The following CYRIB variants were observed in gnomAD, a reference collection of about 807,000 sequenced individuals.
CYRIB encodes CYFIP related Rac1 interactor B, also known as CYFIP-related Rac1 interactor B.
CYRIB carries 8 observed loss-of-function variants against 44.2 expected under a neutral mutation model. The observed-to-expected ratio is 0.18, with a 90% confidence interval of 0.11 to 0.33. The LOEUF is 0.33. Among genes scored for constraint, CYRIB ranks in the 10% least tolerant of loss-of-function variants. The pLI is 1.00. For missense variants in CYRIB, 185 were observed against 382.8 expected (o/e 0.48, Z 4.31); for synonymous variants, 131 against 127.2 (o/e 1.03, Z -0.20).
chr8:129,889,798 CTT>C (rs112004277), intron 2 of CYRIB, among the ~76,000 whole-genome samples: 2 of 144,034 alleles, frequency 1.4e-5, no homozygotes, highest in Admixed American at 6.9e-5. Flanking sequence ...GGTTTCTTTC[CTT>C]TTTTTTTTTT....
intron 2 of CYRIB, among the ~76,000 whole-genome samples, chr8:129,895,296 T>C (rs1269197403): frequency 6.6e-6 from 1 of 151,390 alleles, no homozygotes; most frequent in African/African-American, 2.4e-5. Context: ...TGAGCCATCA[T>C]ACCTGGCAGC....
At chr8:129,931,137 G>C (rs1422312870) in intron 1 of CYRIB, among the ~76,000 whole-genome samples, 1 of 151,216 alleles carries the variant, frequency 6.6e-6, no homozygotes, top group Non-Finnish European at 1.5e-5. Flanking sequence ...ATAAAATGGA[G>C]CCCTACTCCC....
intron 2 of CYRIB, among the ~76,000 whole-genome samples, chr8:129,899,407 T>C (rs983962763): frequency 6.6e-6 from 1 of 152,238 alleles, no homozygotes; most frequent in Non-Finnish European, 1.5e-5. Context: ...AATAAGCTAA[T>C]TGTAAATGAA....
chr8:129,894,733 T>C lies in CYRIB; in HGVS notation c.-11+8579A>G, dbSNP rs193114289. On this transcript the variant is annotated intron_variant, in intron 2 of 11. Transcript: ENST00000519824. Reference sequence around the variant, plus strand: ...CTTGTCTCTGGTAAAAGCAGCATCATAATTTCTTATTTTATTTTTGCTACT... The same window carrying C: ...CTTGTCTCTGGTAAAAGCAGCATCACAATTTCTTATTTTATTTTTGCTACT... Among the ~76,000 whole-genome samples, 69 of 152,208 alleles carry C rather than the reference T, an allele frequency of 4.5e-4. No individual in the cohort carries two copies. The South Asian group carries it at 1.0e-2, about 22-fold the overall frequency.
intron 5 of CYRIB, among the ~76,000 whole-genome samples, chr8:129,859,090 G>A (rs925729125): frequency 6.6e-6 from 1 of 152,128 alleles, no homozygotes; most frequent in Non-Finnish European, 1.5e-5. Flanking sequence ...GATATTTATT[G>A]GATACAAGAC....
chr8:129,892,717 T>C (rs917984518), intron 2 of CYRIB, among the ~76,000 whole-genome samples: 2 of 152,242 alleles, frequency 1.3e-5, no homozygotes, highest in African/African-American at 2.4e-5. Flanking sequence ...TAGTCTGACA[T>C]TCCTTCTGAA....
At chr8:129,962,626 TC>T (rs567424789) in intron 2 of CYRIB, among the ~76,000 whole-genome samples, 48 of 152,260 alleles carry the variant, frequency 3.2e-4, no homozygotes, top group African/African-American at 1.1e-3. Context: ...GTTAAATATT[TC>T]AGCTAATTTA....
intron 2 of CYRIB, among the ~76,000 whole-genome samples, chr8:129,890,957 A>G (rs1250672193): frequency 1.3e-5 from 2 of 152,150 alleles, no homozygotes; most frequent in Non-Finnish European, 2.9e-5. Context: ...AGAGAAAGCA[A>G]GCAATGTCAC....
rs114690692 is a variant in CYRIB, at chr8:129,985,066, C to A, written c.-295-14071G>T. 1.3e-3 allele frequency among the ~76,000 whole-genome samples: 205 copies of A among 152,206 alleles called. 1 individual carries two copies. The highest frequency in any genetic ancestry group is 4.7e-3 in the African/African-American group (194 of 41,542). ...ATTACAGGCGTGAGCCACCACGCCC[C>A]ACCCAAGTAGTGGTTTTTAGTACAG... is the stretch of plus-strand genomic sequence containing the variant. On this transcript the variant is annotated intron_variant, in intron 1 of 14. Coordinates refer to the CYRIB transcript ENST00000401979.
chr8:129,973,652 G>T (rs1385870028), intron 1 of CYRIB, among the ~76,000 whole-genome samples: 2 of 152,192 alleles, frequency 1.3e-5, no homozygotes, highest in African/African-American at 4.8e-5. Context: ...GTGACTCAGG[G>T]AAGGGAGCTG....
exon 5 of CYRIB, chr8:129,862,322 G>T: frequency 6.2e-7 from 1 of 1,611,246 alleles, no homozygotes. Context: ...TCATCTGCTG[G>T]ATGCTGGATT....
intron 2 of CYRIB, among the ~76,000 whole-genome samples, chr8:129,898,012 C>G (rs1206913088): frequency 6.6e-6 from 1 of 152,060 alleles, no homozygotes; most frequent in Non-Finnish European, 1.5e-5. Context: ...GATCCACCCG[C>G]CTCGGCCTCT....
chr8:129,930,646 CA>C (rs1002955158), intron 1 of CYRIB, among the ~76,000 whole-genome samples: 2 of 151,898 alleles, frequency 1.3e-5, no homozygotes, highest in Admixed American at 6.6e-5. Flanking sequence ...CAACCCATTT[CA>C]AAAGGTTGCC....
intron 2 of CYRIB, among the ~76,000 whole-genome samples, chr8:129,898,481 C>T (rs556900733): frequency 1.3e-5 from 2 of 152,094 alleles, no homozygotes; most frequent in Admixed American, 6.5e-5. Flanking sequence ...GAAAAGAAGA[C>T]GGATGTTAAG....
intron 2 of CYRIB, among the ~76,000 whole-genome samples, chr8:129,964,806 C>CA (rs1267039838): frequency 6.6e-6 from 1 of 152,190 alleles, no homozygotes; most frequent in African/African-American, 2.4e-5. Context: ...GTCGAGGCTG[C>CA]AGTGAGCCGT....
intron 1 of CYRIB, among the ~76,000 whole-genome samples, chr8:130,005,241 T>C (rs1323021929): frequency 1.3e-5 from 2 of 152,178 alleles, no homozygotes. Flanking sequence ...GGGGCACGTG[T>C]CTGTCTGTTA....
intron 1 of CYRIB, among the ~76,000 whole-genome samples, chr8:129,997,119 A>T (rs1033513100): frequency 1.1e-5 from 1 of 89,894 alleles, no homozygotes; most frequent in Admixed American, 1.1e-4. Context: ...GGAAGGAAGG[A>T]AGGAGGAGGA....
At chr8:129,936,200 C>T (rs574185621) in intron 1 of CYRIB, among the ~76,000 whole-genome samples, 20 of 152,230 alleles carry the variant, frequency 1.3e-4, no homozygotes, top group Middle Eastern at 3.4e-3. Context: ...TTTAAGTAAA[C>T]GTGATGGGTT....
chr8:129,946,651 C>T (rs973068957), intron 2 of CYRIB, among the ~76,000 whole-genome samples: 5 of 152,228 alleles, frequency 3.3e-5, no homozygotes, highest in Non-Finnish European at 7.3e-5. Flanking sequence ...TTTAGCAAAA[C>T]ATTAACCAGT....
Sources: allele counts gnomAD v4.1 joint callset (sites outside exome capture counted in the v4.1 genomes callset), GRCh38; gene constraint gnomAD v4.1.1; transcripts MANE v1.5; gene names NCBI Gene and HGNC (gene_info 2026-07-23, HGNC 2026-07-21).